CNGA1: variants seen among roughly 807,000 people sequenced by gnomAD.
The protein encoded by CNGA1 is cyclic nucleotide gated channel subunit alpha 1, also known as cyclic nucleotide-gated channel alpha-1.
CNGA1 carries 53 observed loss-of-function variants against 69.7 expected under a neutral mutation model. The observed-to-expected ratio is 0.76, with a 90% CI of 0.61 to 0.96. The LOEUF (loss-of-function observed/expected upper bound fraction) is 0.96. Ranked by LOEUF, CNGA1 falls within the 40% of genes least tolerant of loss-of-function variation. The pLI, the probability that CNGA1 is intolerant of heterozygous loss-of-function variation, is 0.00. For synonymous variants in CNGA1, 249 were observed against 283.5 expected, an observed-to-expected ratio of 0.88 and a Z score of 1.22; for missense variants, 739 against 811.2, an observed-to-expected ratio of 0.91 and a Z score of 1.08.
intron 3 of CNGA1, chr4:47,959,169 CAAA>C (rs1000204752): frequency 4.4e-4 from 67 of 152,206 alleles, no homozygotes; most frequent in African/African-American, 1.6e-3. Flanking sequence ...GAGTTGGTGG[CAAA>C]TGTGGGTGCT....
chr4:47,952,141 T>A (rs1469625391), intron 4 of CNGA1, among the ~76,000 whole-genome samples: 1 of 152,022 alleles, frequency 6.6e-6, no homozygotes, highest in African/African-American at 2.4e-5. Context: ...GGCAGGCAGA[T>A]CACTTGAGGT....
intron 3 of CNGA1, among the ~76,000 whole-genome samples, chr4:47,974,125 T>TA (rs745731465): frequency 1.4e-5 from 2 of 147,062 alleles, no homozygotes; most frequent in African/African-American, 5.1e-5. Context: ...GATAGATAGA[T>TA]GATAGATAGC....
At chr4:47,939,141 A>G (rs1738910142) in intron 10 of CNGA1, among the ~76,000 whole-genome samples, 1 of 152,206 alleles carries the variant, frequency 6.6e-6, no homozygotes, top group South Asian at 2.1e-4. Context: ...GCTGGTCACC[A>G]GAAAGACTAA....
intron 6 of CNGA1, among the ~76,000 whole-genome samples, chr4:47,947,288 A>G (rs1452944503): frequency 6.6e-6 from 1 of 152,208 alleles, no homozygotes. Flanking sequence ...TCTGCACCAC[A>G]GCCTCACTTA....
At chr4:47,950,043 T>C (rs1021566745) in intron 5 of CNGA1, 148 bp from the exon 6 acceptor site, 1 of 708,214 alleles carries the variant, frequency 1.4e-6, no homozygotes, top group Non-Finnish European at 2.5e-6. Context: ...AAAAACATAT[T>C]ATGAAGCATA....
chr4:47,984,575 G>A (rs1011372346), intron 2 of CNGA1, among the ~76,000 whole-genome samples: 9 of 151,232 alleles, frequency 6.0e-5, no homozygotes, highest in Non-Finnish European at 1.3e-4. Flanking sequence ...CCAAGATAGT[G>A]CTACTGCAGT....
chr4:47,951,273 G>A lies in CNGA1; in HGVS notation c.224+80C>T, dbSNP rs3762857. On this transcript the variant is annotated intron_variant, in intron 5 of 10. Transcript: ENST00000514170. Reference sequence around the variant, plus strand: ...CTGCTCAAGGTCATCACCATGATCTGATTGCAAAAATTCAAAACACTGCAA... The same window carrying A: ...CTGCTCAAGGTCATCACCATGATCTAATTGCAAAAATTCAAAACACTGCAA... The A allele has an allele frequency of 3.9e-4, 339 of 877,634 alleles. 2 individuals are homozygous for A. In the East Asian group the frequency reaches 8.2e-3, roughly 21 times the overall value. The allele number at this position is 877,634 out of a possible 1,614,324, so 54.4% of individuals were successfully genotyped here. A position where few individuals can be genotyped will look rare whatever the true frequency, so the allele number is the denominator to read the frequency against.
chr4:47,969,530 C>A (rs1740905426), intron 3 of CNGA1, among the ~76,000 whole-genome samples: 4 of 152,000 alleles, frequency 2.6e-5, no homozygotes, highest in Admixed American at 2.6e-4. Context: ...AGTTCAGTGG[C>A]ACAATCTCGG....
chr4:47,987,568 CA>C (rs1742028609), intron 2 of CNGA1, among the ~76,000 whole-genome samples: 1 of 152,108 alleles, frequency 6.6e-6, no homozygotes, highest in East Asian at 1.9e-4. Context: ...TATTAAATGA[CA>C]GGCTCTCTTC....
chr4:47,939,718 G>A (rs1738951568), intron 10 of CNGA1, among the ~76,000 whole-genome samples: 1 of 152,190 alleles, frequency 6.6e-6, no homozygotes, highest in South Asian at 2.1e-4. Context: ...TTGGTGTGTA[G>A]AGGAAACGCC....
intron 6 of CNGA1, among the ~76,000 whole-genome samples, chr4:47,948,036 T>C (rs1739510725): frequency 6.6e-6 from 1 of 152,212 alleles, no homozygotes; most frequent in Non-Finnish European, 1.5e-5. Flanking sequence ...ATCAAATATA[T>C]TGATAAGAAC....
chr4:47,994,960 A>G (rs1008124254), intron 2 of CNGA1, among the ~76,000 whole-genome samples: 6 of 152,140 alleles, frequency 3.9e-5, no homozygotes, highest in Non-Finnish European at 8.8e-5. Flanking sequence ...TGGATACACA[A>G]TTGTTGGCTG....
intron 2 of CNGA1, among the ~76,000 whole-genome samples, chr4:47,985,406 A>G (rs1277465784): frequency 1.3e-5 from 2 of 152,224 alleles, no homozygotes; most frequent in African/African-American, 4.8e-5. Flanking sequence ...AAACATATCT[A>G]AAAAGAAATC....
intron 2 of CNGA1, among the ~76,000 whole-genome samples, chr4:47,998,771 C>T (rs1899060): frequency 0.82 from 123,992 of 152,068 alleles, 51,060 homozygotes; most frequent in Non-Finnish European, 0.88. Context: ...AGCGAGACTC[C>T]ATCTCAAAAA....
intron 3 of CNGA1, among the ~76,000 whole-genome samples, chr4:47,953,341 C>A (rs1182824595): frequency 1.3e-5 from 2 of 152,142 alleles, no homozygotes; most frequent in African/African-American, 2.4e-5. Flanking sequence ...TTGAAATACT[C>A]AAGCAATGTA....
intron 3 of CNGA1, among the ~76,000 whole-genome samples, chr4:47,955,493 T>A (rs1290978653): frequency 1.3e-5 from 2 of 152,072 alleles, no homozygotes; most frequent in Non-Finnish European, 2.9e-5. Context: ...CATATAACAA[T>A]TTTTTTAATG....
chr4:47,939,272 G>A (rs1460502329), intron 10 of CNGA1, among the ~76,000 whole-genome samples: 1 of 152,078 alleles, frequency 6.6e-6, no homozygotes, highest in Non-Finnish European at 1.5e-5. Context: ...AAAAATCCCT[G>A]AACTATGGGG....
chr4:47,984,651 T>A (rs184095650), intron 2 of CNGA1, among the ~76,000 whole-genome samples: 1,741 of 85,084 alleles, frequency 0.02, 18 homozygotes, highest in Middle Eastern at 0.043. Context: ...AAAAAAAATA[T>A]ATATATATAT....
intron 2 of CNGA1, among the ~76,000 whole-genome samples, chr4:47,989,125 G>T (rs1381375381): frequency 3.3e-5 from 5 of 152,076 alleles, no homozygotes; most frequent in Admixed American, 3.3e-4. Flanking sequence ...TTTTCTACTT[G>T]CTTAGCTGTG....
Sources: gnomAD v4.1 joint callset for allele counts (sites outside exome capture counted in the v4.1 genomes callset) on GRCh38, gnomAD v4.1.1 for gene constraint, MANE v1.5 for transcripts, NCBI Gene and HGNC (gene_info 2026-07-23, HGNC 2026-07-21) for gene names.